Variants in COL5A1 observed in about 807,000 individuals in gnomAD.
The protein encoded by COL5A1 is collagen alpha-1(V) chain.
In COL5A1, 16 loss-of-function variants were observed where a neutral mutation model predicts 263.7. The observed-to-expected ratio is 0.06, with a 90% CI of 0.04 to 0.09. The LOEUF (loss-of-function observed/expected upper bound fraction) is 0.09, where lower values mean the gene tolerates loss of function less well. COL5A1 is among the 10% of genes least tolerant of loss of function. COL5A1 has a pLI of 1.00. For synonymous variants in COL5A1, 1,012 were observed against 1,004.5 expected, an observed-to-expected ratio of 1.01 and a Z score of -0.14; for missense variants, 2,036 against 2,540.5, an observed-to-expected ratio of 0.80 and a Z score of 4.27.
In COL5A1 at chr9:134,682,768, G is replaced by A. The variant is rs1832899834; in HGVS notation, c.110-8144G>A. Among the ~76,000 whole-genome samples the A allele has an allele frequency of 6.6e-6, 1 of 152,154 alleles. No individual in the cohort carries two copies. The highest frequency in any genetic ancestry group is 1.5e-5 in the Non-Finnish European group (1 of 68,030). On this transcript the variant is annotated intron_variant, in intron 1 of 65. Transcript: ENST00000371817. This position sits in a 1 kb window ranked among gnomAD's most constrained non-coding sequence, Gnocchi z 5.1. ...ATCTGCTGGTGTGTTGTGGTTCTGG[G>A]GCCAGGGGAGCATCCCTGTGCATTT...
At chr9:134,668,283 C>G (rs930118442) in intron 1 of COL5A1, among the ~76,000 whole-genome samples, 8 of 152,116 alleles carry the variant, frequency 5.3e-5, no homozygotes, top group African/African-American at 1.7e-4. Context: ...TTAAGGAGCC[C>G]TTTCAGAGGT....
intron 4 of COL5A1, among the ~76,000 whole-genome samples, chr9:134,706,216 C>T (rs920178145): frequency 2.0e-5 from 3 of 152,196 alleles, no homozygotes; most frequent in Admixed American, 6.5e-5. Flanking sequence ...CTGGATGTGC[C>T]GGTGCCCTGG....
intron 1 of COL5A1, among the ~76,000 whole-genome samples, chr9:134,669,197 C>T (rs1394643436): frequency 1.4e-5 from 2 of 146,758 alleles, no homozygotes; most frequent in Admixed American, 6.8e-5. Flanking sequence ...CTTTTCCTTT[C>T]CCTTTCCCTT....
At chr9:134,810,399 C>T in intron 44 of COL5A1, 91 bp downstream of exon 44, 2 of 1,273,396 alleles carry the variant, frequency 1.6e-6, no homozygotes, top group Non-Finnish European at 2.3e-6. Flanking sequence ...CGTTCTCTTC[C>T]AACGTTGCTG....
At chr9:134,688,899 G>C (rs1005613887) in intron 1 of COL5A1, among the ~76,000 whole-genome samples, 1 of 152,106 alleles carries the variant, frequency 6.6e-6, no homozygotes, top group African/African-American at 2.4e-5. Flanking sequence ...GAGAAATGCG[G>C]CTTCGATTTC....
intron 25 of COL5A1, among the ~76,000 whole-genome samples, chr9:134,769,062 C>T (rs1396030215): frequency 6.6e-6 from 1 of 152,172 alleles, no homozygotes; most frequent in East Asian, 1.9e-4. Context: ...CTGATTTGCA[C>T]CCACACCCTC....
intron 2 of COL5A1, among the ~76,000 whole-genome samples, chr9:134,692,927 G>A (rs1419850383): frequency 6.6e-6 from 1 of 152,122 alleles, no homozygotes; most frequent in Non-Finnish European, 1.5e-5. Flanking sequence ...ACAAAAATTA[G>A]CTGGACGTGG....
chr9:134,781,429 G>A (rs575859121), intron 28 of COL5A1, among the ~76,000 whole-genome samples: 7 of 152,374 alleles, frequency 4.6e-5, no homozygotes, highest in South Asian at 2.1e-4. Flanking sequence ...AGGGCCTTAC[G>A]AACACAGGGT....
At chr9:134,760,293 CCA>C (rs1417273652) in intron 18 of COL5A1, among the ~76,000 whole-genome samples, 1 of 102,208 alleles carries the variant, frequency 9.8e-6, no homozygotes, top group African/African-American at 4.7e-5. Context: ...GCACACACCC[CCA>C]CACCCCCCAC....
Position 134,652,946 on chromosome 9 carries a change from G to C in COL5A1, c.109+10650G>C, listed in dbSNP as rs1831746855. The C allele has an allele frequency of 3.2e-6, 1 of 314,708 alleles. No homozygotes were observed. The highest frequency in any genetic ancestry group is 2.6e-5 in the South Asian group (1 of 39,020). 19.5% of individuals were successfully genotyped at this position (314,708 alleles called of 1,614,324 possible). A position where few individuals can be genotyped will look rare whatever the true frequency, so the allele number is the denominator to read the frequency against. On this transcript the variant is annotated intron_variant, in intron 1 of 65. Coordinates refer to ENST00000371817, the MANE Select transcript of COL5A1 (RefSeq NM_000093.5). The surrounding 1 kb of genome is among the most constrained non-coding windows in gnomAD (Gnocchi z 4.4). Reference sequence around the variant, plus strand: ...GACCACGCGGATGCTGGAGCGTCTGGGGGTGCCACACTTTGCAAACCACGA... The same window carrying C: ...GACCACGCGGATGCTGGAGCGTCTGCGGGTGCCACACTTTGCAAACCACGA...
rs1014490179 is a variant in COL5A1, at chr9:134,716,534, T to A, written c.655-10732T>A. On this transcript the variant is annotated intron_variant, in intron 4 of 65. Transcript: ENST00000371817. This position sits in a 1 kb window ranked among gnomAD's most constrained non-coding sequence, Gnocchi z 4.5. ...CAGGCCTTTGTGAGGTCACCACCCT[T>A]TGGGTGGCGAGTCTTTGAGGAGGTG... Among the ~76,000 whole-genome samples, 4 of 152,192 alleles carry A rather than the reference T, an allele frequency of 2.6e-5. No homozygotes were observed. The highest frequency in any genetic ancestry group is 9.6e-5 in the African/African-American group (4 of 41,460).
intron 1 of COL5A1, among the ~76,000 whole-genome samples, chr9:134,687,937 T>C (rs7849852): frequency 0.87 from 132,361 of 152,244 alleles, 57,924 homozygotes; most frequent in South Asian, 0.9. Flanking sequence ...TTCAAACCCA[T>C]GTCCACCTGT....
At chr9:134,674,019 G>C (rs1729868154) in intron 1 of COL5A1, among the ~76,000 whole-genome samples, 1 of 152,082 alleles carries the variant, frequency 6.6e-6, no homozygotes, top group African/African-American at 2.4e-5. Context: ...AGGACATACT[G>C]CAAAAGTGTG....
chr9:134,665,634 A>G (rs535942764), intron 1 of COL5A1, among the ~76,000 whole-genome samples: 1 of 152,314 alleles, frequency 6.6e-6, no homozygotes, highest in African/African-American at 2.4e-5. Context: ...GTTGTTGTTC[A>G]GCAGGTGGGT....
intron 47 of COL5A1, 40 bp downstream of exon 47, chr9:134,812,542 G>A (rs370954277): frequency 7.4e-5 from 120 of 1,613,072 alleles, no homozygotes; most frequent in African/African-American, 4.4e-4. Flanking sequence ...CCGTACTAGC[G>A]GCTCATGTTT....
intron 2 of COL5A1, among the ~76,000 whole-genome samples, chr9:134,693,232 A>G (rs1833344785): frequency 6.6e-6 from 1 of 152,076 alleles, no homozygotes; most frequent in South Asian, 2.1e-4. Flanking sequence ...ACCAGATGCT[A>G]GGTGAGCGAG....
At chr9:134,656,699 T>C (rs1831985433) in intron 1 of COL5A1, among the ~76,000 whole-genome samples, 1 of 151,858 alleles carries the variant, frequency 6.6e-6, no homozygotes. Flanking sequence ...TAATTCTTAT[T>C]AGAGATGGCT....
At chr9:134,795,599 G>A (rs990655738) in intron 34 of COL5A1, among the ~76,000 whole-genome samples, 2 of 152,144 alleles carry the variant, frequency 1.3e-5, no homozygotes, top group African/African-American at 4.8e-5. Flanking sequence ...CGGCAGCAGG[G>A]GGCCAGGCCC....
chr9:134,727,508 A>G lies in COL5A1; in HGVS notation c.786+111A>G, dbSNP rs1834705596. On this transcript the variant is annotated intron_variant, in intron 5 of 65. Coordinates refer to ENST00000371817, the MANE Select transcript of COL5A1 (RefSeq NM_000093.5). ...TTATTTTAAATAAATCCACTGGGTGAGAATTTGGAGGGACCTAGGAGGTAA... is the reference window on the plus strand; with the variant it reads ...TTATTTTAAATAAATCCACTGGGTGGGAATTTGGAGGGACCTAGGAGGTAA... The G allele has an allele frequency of 3.2e-6, 4 of 1,236,958 alleles. No homozygotes were observed. The South Asian group carries it at 5.0e-5, about 15-fold the overall frequency. The allele number at this position is 1,236,958 out of a possible 1,614,324, so 76.6% of individuals were successfully genotyped here. A position where few individuals can be genotyped will look rare whatever the true frequency, so the allele number is the denominator to read the frequency against.
Sources: allele counts gnomAD v4.1 joint callset (sites outside exome capture counted in the v4.1 genomes callset), GRCh38; gene constraint gnomAD v4.1.1; non-coding constraint Gnocchi (gnomAD v3.1); transcripts MANE v1.5; gene names NCBI Gene and HGNC (gene_info 2026-07-23, HGNC 2026-07-21).